Variants in ADAM32 observed in about 807,000 individuals in gnomAD.
ADAM32 encodes the protein ADAM metallopeptidase domain 32.
A neutral mutation model predicts 114.9 loss-of-function variants in ADAM32; 89 were observed. The observed-to-expected ratio is 0.77, with a 90% CI of 0.65 to 0.92. The LOEUF (loss-of-function observed/expected upper bound fraction) is 0.92. ADAM32 is among the 40% of genes least tolerant of loss of function. The pLI, the probability that ADAM32 is intolerant of heterozygous loss-of-function variation, is 0.00. For missense variants in ADAM32, 870 were observed against 932.8 expected (o/e 0.93, Z 0.88); for synonymous variants, 285 against 307.5 (o/e 0.93, Z 0.77).
At chr8:39,188,059 A>C (rs189383778) in intron 11 of ADAM32, among the ~76,000 whole-genome samples, 1 of 151,034 alleles carries the variant, frequency 6.6e-6, no homozygotes, top group African/African-American at 2.4e-5. Flanking sequence ...CAAAGGTCAA[A>C]AGTGAAAATA....
chr8:39,227,816 C>T (rs561386184), intron 14 of ADAM32, among the ~76,000 whole-genome samples: 7 of 152,310 alleles, frequency 4.6e-5, no homozygotes, highest in African/African-American at 1.7e-4. Flanking sequence ...GGTCCCTCTC[C>T]ATACTACCAC....
At chr8:39,219,526 C>T (rs1001264219) in intron 12 of ADAM32, among the ~76,000 whole-genome samples, 3 of 152,186 alleles carry the variant, frequency 2.0e-5, no homozygotes, top group African/African-American at 7.2e-5. Context: ...TTCTGCTTTA[C>T]ACTGTGTCAG....
intron 23 of ADAM32, 39 bp downstream of exon 23, chr8:39,281,213 T>C (rs892608633): frequency 1.6e-6 from 2 of 1,227,598 alleles, no homozygotes; most frequent in South Asian, 2.2e-5. Flanking sequence ...AATAAGTATG[T>C]TGAAAATTCA....
intron 23 of ADAM32, among the ~76,000 whole-genome samples, chr8:39,283,310 T>C (rs28635473): frequency 0.06 from 9,097 of 150,376 alleles, 921 homozygotes; most frequent in African/African-American, 0.21. Flanking sequence ...TTTGGGAGGC[T>C]GAGGCAGGAG....
chr8:39,275,941 A>T, intron 22 of ADAM32, 75 bp downstream of exon 22: 7 of 1,347,496 alleles, frequency 5.2e-6, no homozygotes, highest in Non-Finnish European at 7.1e-6. Context: ...TTGATAATTA[A>T]CAATTACTTG....
chr8:39,161,785 T>C (rs1468888005), intron 7 of ADAM32, among the ~76,000 whole-genome samples: 2 of 151,916 alleles, frequency 1.3e-5, no homozygotes, highest in African/African-American at 2.4e-5. Flanking sequence ...ACTTGATTAA[T>C]TAGAGTACAG....
chr8:39,202,456 G>T (rs1274058850), intron 11 of ADAM32, among the ~76,000 whole-genome samples: 2 of 152,178 alleles, frequency 1.3e-5, no homozygotes, highest in Non-Finnish European at 2.9e-5. Context: ...TTGTATTTCT[G>T]TGGGATCGGT....
intron 5 of ADAM32, among the ~76,000 whole-genome samples, 195 bp downstream of exon 5, chr8:39,150,062 T>C (rs368921648): frequency 6.6e-5 from 10 of 152,166 alleles, no homozygotes; most frequent in African/African-American, 2.4e-4. Context: ...ATTTCTAACC[T>C]TTTCAAAGGT....
intron 18 of ADAM32, 30 bp from the exon 19 acceptor site, chr8:39,257,156 TG>T (rs1275964895): frequency 4.0e-5 from 59 of 1,489,120 alleles, no homozygotes; most frequent in African/African-American, 2.5e-4. Flanking sequence ...TTAATTTTTT[TG>T]TTTTTTTTTT....
chr8:39,214,363 T>G (rs1808424745), intron 12 of ADAM32, among the ~76,000 whole-genome samples: 1 of 152,198 alleles, frequency 6.6e-6, no homozygotes, highest in Non-Finnish European at 1.5e-5. Flanking sequence ...TTGCCTGCCT[T>G]TTGAATAAAA....
At chr8:39,221,548 C>A (rs1808960383) in intron 12 of ADAM32, 62 bp from the exon 13 acceptor site, 5 of 1,269,782 alleles carry the variant, frequency 3.9e-6, no homozygotes, top group Non-Finnish European at 5.6e-6. Flanking sequence ...AAATATAACT[C>A]CTAGTAAAGA....
chr8:39,179,409 C>T (rs1459624772), intron 10 of ADAM32, among the ~76,000 whole-genome samples: 1 of 152,162 alleles, frequency 6.6e-6, no homozygotes, highest in African/African-American at 2.4e-5. Context: ...CACTGCTTGG[C>T]TCCCTGGATT....
chr8:39,114,545 G>T (rs932952223), intron 1 of ADAM32, among the ~76,000 whole-genome samples: 4 of 152,166 alleles, frequency 2.6e-5, no homozygotes, highest in Non-Finnish European at 4.4e-5. Flanking sequence ...TACTACCAAG[G>T]ATCTCTGTAG....
intron 20 of ADAM32, among the ~76,000 whole-genome samples, chr8:39,273,806 T>G (rs1812900024): frequency 6.6e-6 from 1 of 152,088 alleles, no homozygotes; most frequent in Admixed American, 6.5e-5. Flanking sequence ...GTGTGTGATT[T>G]TTTTTTTTCA....
chr8:39,207,353 T>C (rs551263721), intron 11 of ADAM32, among the ~76,000 whole-genome samples: 7 of 152,350 alleles, frequency 4.6e-5, no homozygotes, highest in African/African-American at 1.7e-4. Flanking sequence ...ATCATTTTGA[T>C]AATTTGATTT....
intron 9 of ADAM32, 175 bp from the exon 10 acceptor site, chr8:39,169,739 AAT>A: frequency 4.1e-6 from 2 of 490,900 alleles, no homozygotes; most frequent in South Asian, 7.8e-5. Context: ...AATTAATACT[AAT>A]ATGTCATATT....
chr8:39,242,047 G>A (rs1810596389), intron 16 of ADAM32, among the ~76,000 whole-genome samples: 1 of 152,062 alleles, frequency 6.6e-6, no homozygotes, highest in Non-Finnish European at 1.5e-5. Flanking sequence ...TCTCTCTCAA[G>A]TTCAAAATTC....
Position 39,232,138 on chromosome 8 carries a change from A to G in ADAM32, c.1634+3A>G, listed in dbSNP as rs748324698. On this transcript the variant is annotated splice_donor_region_variant and intron_variant, in intron 15 of 24. Transcript: ENST00000379907. ...AAATATGTGTTCTGTGGATGGAGGT[A>G]TGCTCTACAAATATAAATGATACTT... 1.7e-5 allele frequency: 27 copies of G among 1,571,068 alleles called. No homozygotes were observed. The highest frequency in any genetic ancestry group is 1.3e-4 in the Admixed American group (7 of 55,598).
chr8:39,223,526 G>C (rs183040034), intron 14 of ADAM32: 2 of 172,954 alleles, frequency 1.2e-5, no homozygotes, highest in Non-Finnish European at 1.2e-5. Context: ...GACAAAAATT[G>C]TATGTATGTT....
Sources: gnomAD v4.1 joint callset for allele counts (sites outside exome capture counted in the v4.1 genomes callset) on GRCh38, gnomAD v4.1.1 for gene constraint, MANE v1.5 for transcripts, NCBI Gene and HGNC (gene_info 2026-07-23, HGNC 2026-07-21) for gene names.